YAP1: variants seen among roughly 807,000 people sequenced by gnomAD.
YAP1 encodes transcriptional coactivator YAP1.
A neutral mutation model predicts 56.9 loss-of-function variants in YAP1; 5 were observed. That is an observed-to-expected ratio of 0.09 (90% CI 0.05 to 0.18). The LOEUF is 0.18. Ranked by LOEUF, YAP1 falls within the 10% of genes least tolerant of loss-of-function variation. The pLI, the probability that YAP1 is intolerant of heterozygous loss-of-function variation, is 1.00. For missense variants in YAP1, 539 were observed against 651.8 expected, an observed-to-expected ratio of 0.83 and a Z score of 1.88; for synonymous variants, 265 against 248.1, an observed-to-expected ratio of 1.07 and a Z score of -0.64.
At chr11:102,139,228 T>TA (rs11300137) in intron 2 of YAP1, among the ~76,000 whole-genome samples, 108 of 147,528 alleles carry the variant, frequency 7.3e-4, no homozygotes, top group African/African-American at 9.5e-4. Flanking sequence ...TCTCTTGACT[T>TA]AAAAAAAAAA....
At chr11:102,146,995 T>C (rs111231084) in intron 2 of YAP1, among the ~76,000 whole-genome samples, 2,271 of 152,328 alleles carry the variant, frequency 0.015, 57 homozygotes, top group African/African-American at 0.052. Flanking sequence ...GTCTTTATTT[T>C]GTGCTAGGCA....
At chr11:102,118,255 A>G (rs1227568852) in intron 2 of YAP1, among the ~76,000 whole-genome samples, 3 of 152,170 alleles carry the variant, frequency 2.0e-5, no homozygotes, top group Admixed American at 6.5e-5. Context: ...ATAACTGGCC[A>G]CAATGTTTTT....
intron 6 of YAP1, among the ~76,000 whole-genome samples, chr11:102,217,258 C>G (rs1271648553): frequency 6.6e-6 from 1 of 152,112 alleles, no homozygotes; most frequent in Non-Finnish European, 1.5e-5. Context: ...GTTGGCCTTA[C>G]ATAAAATGAT....
chr11:102,149,912 T>C (rs1945526935), intron 2 of YAP1, among the ~76,000 whole-genome samples: 1 of 151,602 alleles, frequency 6.6e-6, no homozygotes, highest in African/African-American at 2.4e-5. Flanking sequence ...GAAATATAGA[T>C]TACTGGAGTA....
chr11:102,151,182 T>G (rs1945635683), intron 2 of YAP1, among the ~76,000 whole-genome samples: 2 of 152,148 alleles, frequency 1.3e-5, no homozygotes, highest in African/African-American at 4.8e-5. Flanking sequence ...AGGGATGATT[T>G]TGTCCCTTTC....
At position 102,229,788 on chromosome 11, in the gene YAP1, C is replaced by G; in HGVS notation, c.1363C>G (p.Leu455Val). ...AGCCATTCCTGGGACAAATGTGGAC[C>G]TTGGAACACTGGAAGGAGATGGAAT... ...LEAIPGTNVD[L>V]GTLEGDGMNI... Residue 455 changes from leucine to valine, a missense_variant, in exon 9 of 9, where the codon CTT (leucine) becomes GTT (valine). Transcript: ENST00000282441. The G allele has an allele frequency of 1.2e-6, 2 of 1,614,110 alleles. No individual in the cohort carries two copies. Among genetic ancestry groups the G allele is most frequent in the Non-Finnish European group, 1.7e-6 (2 of 1,180,006 alleles).
intron 2 of YAP1, among the ~76,000 whole-genome samples, chr11:102,126,004 A>G (rs1297108487): frequency 2.0e-5 from 3 of 152,068 alleles, no homozygotes; most frequent in Non-Finnish European, 2.9e-5. Flanking sequence ...ACTGAATACC[A>G]GTGTTCTTGG....
At chr11:102,126,564 C>G (rs1944048847) in intron 2 of YAP1, among the ~76,000 whole-genome samples, 1 of 152,204 alleles carries the variant, frequency 6.6e-6, no homozygotes, top group Admixed American at 6.5e-5. Context: ...GATTCTGAGG[C>G]CTCCTTAGCC....
intron 6 of YAP1, among the ~76,000 whole-genome samples, chr11:102,222,278 A>T (rs1405093265): frequency 6.6e-6 from 1 of 152,194 alleles, no homozygotes; most frequent in African/African-American, 2.4e-5. Context: ...AACTGTATGT[A>T]TTTCAAATCA....
chr11:102,214,194 T>C (rs1949555223), intron 6 of YAP1, among the ~76,000 whole-genome samples: 1 of 152,224 alleles, frequency 6.6e-6, no homozygotes, highest in African/African-American at 2.4e-5. Flanking sequence ...AAAAGTATGA[T>C]ATGGGGTTAC....
chr11:102,142,380 C>G (rs747152411), intron 2 of YAP1, among the ~76,000 whole-genome samples: 42 of 152,172 alleles, frequency 2.8e-4, no homozygotes, highest in Non-Finnish European at 5.7e-4. Context: ...TAACATATCA[C>G]AAATTGTTTA....
chr11:102,132,760 G>C (rs773239617), intron 2 of YAP1, among the ~76,000 whole-genome samples: 7 of 152,144 alleles, frequency 4.6e-5, no homozygotes, highest in Non-Finnish European at 1.5e-5. Context: ...AATATAAACC[G>C]TTTACACACA....
At chr11:102,162,651 T>G in intron 3 of YAP1, 80 bp downstream of exon 3, 1 of 1,345,228 alleles carries the variant, frequency 7.4e-7, no homozygotes, top group Non-Finnish European at 1.1e-6. Flanking sequence ...TAGTCATTAC[T>G]CGTTTACAGA....
At chr11:102,222,348 G>T (rs1336120141) in intron 6 of YAP1, among the ~76,000 whole-genome samples, 4 of 152,226 alleles carry the variant, frequency 2.6e-5, no homozygotes, top group African/African-American at 9.6e-5. Context: ...TTTACGATAG[G>T]TGGAGAGGCA....
At chr11:102,165,653 CAAT>C (rs1022075187) in intron 3 of YAP1, among the ~76,000 whole-genome samples, 4 of 152,062 alleles carry the variant, frequency 2.6e-5, no homozygotes, top group African/African-American at 9.7e-5. Flanking sequence ...AGGTATTTAA[CAAT>C]AATAATAGTA....
Position 102,115,609 on chromosome 11 carries a change from A to T in YAP1, c.572+1215A>T, listed in dbSNP as rs200039988. ...TTCTTTTCTTTTCTTCTTTTTTTTT[A>T]AAAAAATTCATTTTCTGGTGTCCTG... On this transcript the variant is annotated intron_variant, in intron 2 of 8. Transcript: ENST00000282441. Among the ~76,000 whole-genome samples, 222 of 120,612 alleles carry T rather than the reference A, an allele frequency of 1.8e-3. No homozygotes were observed. In the Middle Eastern group the frequency reaches 0.019, roughly 11 times the overall value. 79.1% of individuals were successfully genotyped at this position (120,612 alleles called of 152,430 possible).
intron 2 of YAP1, among the ~76,000 whole-genome samples, chr11:102,150,772 CTT>C (rs1945593028): frequency 7.1e-6 from 1 of 140,848 alleles, no homozygotes; most frequent in Non-Finnish European, 1.6e-5. Context: ...ACATGCAAAT[CTT>C]TTTTCAGTGA....
chr11:102,228,736 T>C lies in YAP1; in HGVS notation c.1277-966T>C, dbSNP rs562580753. 5.9e-5 allele frequency among the ~76,000 whole-genome samples: 9 copies of C among 151,852 alleles called. No individual in the cohort carries two copies. In the South Asian group the frequency reaches 1.9e-3, roughly 32 times the overall value. ...GGTAATTACGGAAGCATTTCTCCTG[T>C]GGCTTACCTGGCAACCATTGCCCTA... On this transcript the variant is annotated intron_variant, in intron 8 of 8. Transcript: ENST00000282441.
intron 2 of YAP1, among the ~76,000 whole-genome samples, chr11:102,160,999 A>G (rs1033874128): frequency 1.0e-4 from 15 of 143,458 alleles, no homozygotes; most frequent in Admixed American, 3.6e-4. Context: ...TACTCACTGT[A>G]CTCTCACTGT....
Sources: allele counts gnomAD v4.1 joint callset (sites outside exome capture counted in the v4.1 genomes callset), GRCh38; gene constraint gnomAD v4.1.1; transcripts MANE v1.5; gene names NCBI Gene and HGNC (gene_info 2026-07-23, HGNC 2026-07-21).